CFAP53: variants seen among roughly 807,000 people sequenced by gnomAD.
CFAP53 encodes the protein cilia- and flagella-associated protein 53.
CFAP53 carries 62 observed loss-of-function variants against 59.7 expected under a neutral mutation model. The observed-to-expected ratio is 1.04, with a 90% CI of 0.85 to 1.28. The LOEUF (loss-of-function observed/expected upper bound fraction) is 1.28, where lower values mean the gene tolerates loss of function less well. Among genes scored for constraint, CFAP53 ranks in the 50% most tolerant of loss-of-function variants. CFAP53 has a pLI of 0.00. For missense variants in CFAP53, 629 were observed against 615.6 expected, an observed-to-expected ratio of 1.02 and a Z score of -0.23; for synonymous variants, 218 against 205.7, an observed-to-expected ratio of 1.06 and a Z score of -0.51.
intron 3 of CFAP53, 87 bp downstream of exon 3, chr18:50,260,977 A>T (rs2033886683): frequency 7.4e-7 from 1 of 1,352,040 alleles, no homozygotes. Context: ...TATCCTCTTA[A>T]GACTAATTTA....
At chr18:50,254,164 G>GA (rs1326595867) in intron 3 of CFAP53, among the ~76,000 whole-genome samples, 2 of 149,568 alleles carry the variant, frequency 1.3e-5, no homozygotes, top group East Asian at 2.0e-4. Flanking sequence ...TATAGTCTAG[G>GA]AAAAAAACCA....
At chr18:50,255,383 A>G (rs973964729) in intron 3 of CFAP53, among the ~76,000 whole-genome samples, 22 of 152,152 alleles carry the variant, frequency 1.4e-4, no homozygotes, top group African/African-American at 5.1e-4. Context: ...GTGGTTACAC[A>G]GTCTACAGGT....
chr18:50,252,883 G>T (rs918842540), intron 3 of CFAP53, among the ~76,000 whole-genome samples: 23 of 152,208 alleles, frequency 1.5e-4, no homozygotes, highest in Non-Finnish European at 2.9e-5. Context: ...AGGCATGCTG[G>T]CACACGCCTG....
chr18:50,244,012 A>T (rs2033718812), intron 5 of CFAP53, among the ~76,000 whole-genome samples: 1 of 151,946 alleles, frequency 6.6e-6, no homozygotes, highest in South Asian at 2.1e-4. Context: ...AGAAATTCCT[A>T]ATTAATGGAT....
intron 1 of CFAP53, among the ~76,000 whole-genome samples, chr18:50,265,050 T>C (rs2033928128): frequency 6.6e-6 from 1 of 152,230 alleles, no homozygotes; most frequent in Non-Finnish European, 1.5e-5. Context: ...GTATCACTGA[T>C]CTTTCATCCA....
chr18:50,227,658 A>G, intron 7 of CFAP53, 49 bp from the exon 8 acceptor site: 1 of 1,314,976 alleles, frequency 7.6e-7, no homozygotes, highest in South Asian at 1.2e-5. Context: ...GTAAGCATTT[A>G]GATTTATTCA....
chr18:50,231,467 T>C (rs529402091), intron 7 of CFAP53, among the ~76,000 whole-genome samples: 1 of 152,336 alleles, frequency 6.6e-6, no homozygotes, highest in South Asian at 2.1e-4. Context: ...GGACAGTATC[T>C]ACCCAGAGAG....
At chr18:50,245,546 T>C (rs2033736443) in intron 5 of CFAP53, among the ~76,000 whole-genome samples, 1 of 152,206 alleles carries the variant, frequency 6.6e-6, no homozygotes, top group African/African-American at 2.4e-5. Flanking sequence ...TAGGAATAAA[T>C]TTAACAAAGT....
At chr18:50,232,992 A>T (rs1391754341) in intron 7 of CFAP53, among the ~76,000 whole-genome samples, 1 of 152,216 alleles carries the variant, frequency 6.6e-6, no homozygotes, top group African/African-American at 2.4e-5. Context: ...AGCTGGTTAC[A>T]TATTATGGTA....
chr18:50,233,831 C>G (rs2033605371), intron 7 of CFAP53, among the ~76,000 whole-genome samples: 1 of 152,210 alleles, frequency 6.6e-6, no homozygotes, highest in Admixed American at 6.5e-5. Flanking sequence ...AAATTACTAA[C>G]AAGCCTGATA....
intron 3 of CFAP53, among the ~76,000 whole-genome samples, chr18:50,252,274 T>C (rs949029840): frequency 1.3e-5 from 2 of 151,920 alleles, no homozygotes; most frequent in Admixed American, 1.3e-4. Flanking sequence ...TGGCTAATTT[T>C]TTTGTATTTT....
At chr18:50,234,469 A>G (rs556800648) in intron 7 of CFAP53, among the ~76,000 whole-genome samples, 1 of 152,314 alleles carries the variant, frequency 6.6e-6, no homozygotes, top group African/African-American at 2.4e-5. Context: ...CCACCCAGCC[A>G]CATTTGATCC....
chr18:50,238,924 T>C (rs892627781), intron 6 of CFAP53, among the ~76,000 whole-genome samples: 16 of 152,202 alleles, frequency 1.1e-4, no homozygotes, highest in African/African-American at 3.6e-4. Flanking sequence ...TCATTTTTCA[T>C]TGAAAATCTA....
intron 6 of CFAP53, among the ~76,000 whole-genome samples, chr18:50,241,615 TG>T (rs1352583261): frequency 6.6e-6 from 1 of 152,106 alleles, no homozygotes; most frequent in Non-Finnish European, 1.5e-5. Flanking sequence ...GCTGGGCCTC[TG>T]GGATGTCATC....
At chr18:50,261,657 G>A (rs768248027) in intron 2 of CFAP53, among the ~76,000 whole-genome samples, 2 of 152,022 alleles carry the variant, frequency 1.3e-5, no homozygotes, top group Non-Finnish European at 2.9e-5. Context: ...CTCCCAAAGT[G>A]GTAGGATTAT....
intron 3 of CFAP53, among the ~76,000 whole-genome samples, chr18:50,255,291 G>T (rs957028283): frequency 3.3e-5 from 5 of 152,156 alleles, no homozygotes; most frequent in Admixed American, 6.5e-5. Flanking sequence ...TGATGGGGGT[G>T]AGAGTAGTGG....
chr18:50,259,542 T>C (rs1193275451), intron 3 of CFAP53, among the ~76,000 whole-genome samples: 1 of 151,900 alleles, frequency 6.6e-6, no homozygotes, highest in Non-Finnish European at 1.5e-5. Context: ...TACTATTTGA[T>C]AGCACAACAG....
At chr18:50,241,685 A>G (rs2033691424) in intron 6 of CFAP53, among the ~76,000 whole-genome samples, 3 of 152,026 alleles carry the variant, frequency 2.0e-5, no homozygotes, top group Admixed American at 2.0e-4. Context: ...GTTTTTTTTT[A>G]GGGATTTTGA....
Position 50,260,928 on chromosome 18 carries a change from T to A in CFAP53, c.473+136A>T, listed in dbSNP as rs942416064. 5 of 765,158 alleles carry A rather than the reference T, an allele frequency of 6.5e-6. No homozygotes were observed. The Admixed American group carries it at 9.0e-5, about 14-fold the overall frequency. 47.4% of individuals were successfully genotyped at this position (765,158 alleles called of 1,614,324 possible). A position where few individuals can be genotyped will look rare whatever the true frequency, so the allele number is the denominator to read the frequency against. Reference sequence around the variant, plus strand: ...ACACACTGTATTATTCAATGATATGTAATATATTGCCAAGACTTAAAGTTA... The same window carrying A: ...ACACACTGTATTATTCAATGATATGAAATATATTGCCAAGACTTAAAGTTA... On this transcript the variant is annotated intron_variant, in intron 3 of 7. Transcript: ENST00000398545.
Sources: allele counts gnomAD v4.1 joint callset (sites outside exome capture counted in the v4.1 genomes callset), GRCh38; gene constraint gnomAD v4.1.1; transcripts MANE v1.5; gene names NCBI Gene and HGNC (gene_info 2026-07-23, HGNC 2026-07-21).